PLPPR1: variants seen among roughly 807,000 people sequenced by gnomAD.
PLPPR1 encodes the protein phospholipid phosphatase-related protein type 1.
A neutral mutation model predicts 33.1 loss-of-function variants in PLPPR1; 10 were observed. The observed-to-expected ratio is 0.30, with a 90% confidence interval of 0.19 to 0.51. PLPPR1 has a LOEUF of 0.51. Among genes scored for constraint, PLPPR1 ranks in the 20% least tolerant of loss-of-function variants. PLPPR1 has a pLI of 0.97. For synonymous variants in PLPPR1, 151 were observed against 151.0 expected, an observed-to-expected ratio of 1.00 and a Z score of 0.00; for missense variants, 304 against 408.1, an observed-to-expected ratio of 0.74 and a Z score of 2.20.
intron 1 of PLPPR1, among the ~76,000 whole-genome samples, chr9:101,116,350 A>C (rs538091975): frequency 2.0e-5 from 3 of 152,238 alleles, no homozygotes; most frequent in South Asian, 2.1e-4. Flanking sequence ...GTAATGTAAA[A>C]GTCTGAATCA....
chr9:101,237,875 C>CACAT (rs1554682649), intron 2 of PLPPR1, among the ~76,000 whole-genome samples: 3 of 130,596 alleles, frequency 2.3e-5, no homozygotes, highest in African/African-American at 8.6e-5. Context: ...TATACACACA[C>CACAT]ATATATATAT....
intron 4 of PLPPR1, among the ~76,000 whole-genome samples, chr9:101,288,648 T>TA (rs1430440132): frequency 1.3e-5 from 2 of 152,154 alleles, no homozygotes; most frequent in African/African-American, 4.8e-5. Flanking sequence ...GTTGCTCAAG[T>TA]AAAAAACCTG....
At chr9:101,111,812 C>T (rs1831060933) in intron 1 of PLPPR1, among the ~76,000 whole-genome samples, 1 of 152,138 alleles carries the variant, frequency 6.6e-6, no homozygotes, top group African/African-American at 2.4e-5. Flanking sequence ...CCAATTGAAT[C>T]ATATCGTTTT....
chr9:101,046,164 T>G lies in PLPPR1; in HGVS notation c.-46+17062T>G, dbSNP rs1245105422. On this transcript the variant is annotated intron_variant, in intron 1 of 7. Transcript: ENST00000374874. The stretch of plus-strand genomic sequence containing the variant: ...ACTTTATCCATTGCTGTGTGTGGAC[T>G]TCACCCAGGAGAGTTTCTCCTTGGA... 3.3e-5 allele frequency among the ~76,000 whole-genome samples: 5 copies of G among 152,204 alleles called. No individual in the cohort carries two copies. In the East Asian group the frequency reaches 9.6e-4, roughly 29 times the overall value.
At chr9:101,256,658 T>C (rs1182238325) in intron 2 of PLPPR1, among the ~76,000 whole-genome samples, 1 of 152,162 alleles carries the variant, frequency 6.6e-6, no homozygotes, top group African/African-American at 2.4e-5. Flanking sequence ...TAGCTTGCTA[T>C]GACATATGCA....
chr9:101,229,896 G>T (rs1045657596), intron 2 of PLPPR1, among the ~76,000 whole-genome samples: 4 of 152,126 alleles, frequency 2.6e-5, no homozygotes, highest in African/African-American at 9.7e-5. Flanking sequence ...TGGCAAACGT[G>T]CACTTCCTCT....
At chr9:101,237,877 T>C (rs953785741) in intron 2 of PLPPR1, among the ~76,000 whole-genome samples, 7 of 137,752 alleles carry the variant, frequency 5.1e-5, no homozygotes, top group African/African-American at 1.1e-4. Context: ...TACACACACA[T>C]ATATATATAC....
intron 2 of PLPPR1, among the ~76,000 whole-genome samples, chr9:101,189,635 C>G (rs534591883): frequency 6.6e-6 from 1 of 152,120 alleles, no homozygotes; most frequent in South Asian, 2.1e-4. Flanking sequence ...AATATTAAGT[C>G]ATGTTTGTCA....
chr9:101,059,202 T>C (rs1830313619), intron 1 of PLPPR1, among the ~76,000 whole-genome samples: 1 of 152,142 alleles, frequency 6.6e-6, no homozygotes, highest in East Asian at 1.9e-4. Flanking sequence ...ATTTCTCTTT[T>C]CCACTGCTTT....
intron 1 of PLPPR1, among the ~76,000 whole-genome samples, chr9:101,119,789 G>C (rs1831157617): frequency 6.6e-6 from 1 of 152,178 alleles, no homozygotes; most frequent in Non-Finnish European, 1.5e-5. Context: ...ATCTAGCTTA[G>C]AGAATGCAGT....
At chr9:101,141,275 G>A (rs1386003220) in intron 1 of PLPPR1, among the ~76,000 whole-genome samples, 1 of 152,140 alleles carries the variant, frequency 6.6e-6, no homozygotes, top group Non-Finnish European at 1.5e-5. Flanking sequence ...TTAATCATTA[G>A]CATCATAAAT....
intron 2 of PLPPR1, among the ~76,000 whole-genome samples, chr9:101,259,818 A>T (rs1827864924): frequency 6.6e-6 from 1 of 152,094 alleles, no homozygotes. Context: ...TAAGAGACAA[A>T]TGGTTGCATT....
intron 1 of PLPPR1, among the ~76,000 whole-genome samples, chr9:101,059,781 T>G (rs1830321955): frequency 6.6e-6 from 1 of 151,926 alleles, no homozygotes. Context: ...ACCTCACACC[T>G]GTTAGGATGG....
chr9:101,285,958 CA>C (rs993993148), intron 3 of PLPPR1, 145 bp from the exon 4 acceptor site: 1 of 586,986 alleles, frequency 1.7e-6, no homozygotes, highest in Non-Finnish European at 3.0e-6. Context: ...GTGTTAAATG[CA>C]AATTACGATC....
At chr9:101,053,616 T>C (rs1180429790) in intron 1 of PLPPR1, among the ~76,000 whole-genome samples, 2 of 152,152 alleles carry the variant, frequency 1.3e-5, no homozygotes. Flanking sequence ...CCTTACAAGA[T>C]TGTTTGGAAA....
intron 7 of PLPPR1, among the ~76,000 whole-genome samples, chr9:101,318,060 G>T (rs1829087674): frequency 6.6e-6 from 1 of 152,208 alleles, no homozygotes; most frequent in African/African-American, 2.4e-5. Context: ...AGCAGGCATG[G>T]TGGCTCACAC....
intron 4 of PLPPR1, among the ~76,000 whole-genome samples, chr9:101,290,405 A>G (rs1291565878): frequency 1.3e-5 from 2 of 152,158 alleles, no homozygotes; most frequent in Non-Finnish European, 2.9e-5. Context: ...TCAGCTCCAC[A>G]TTGCAAAAAA....
At chr9:101,320,130 A>G (rs945112005) in intron 7 of PLPPR1, among the ~76,000 whole-genome samples, 54 of 152,398 alleles carry the variant, frequency 3.5e-4, no homozygotes, top group African/African-American at 1.2e-3. Context: ...GATTCTTAAA[A>G]TAGATATTAA....
At chr9:101,253,321 G>T (rs1827743912) in intron 2 of PLPPR1, among the ~76,000 whole-genome samples, 1 of 152,034 alleles carries the variant, frequency 6.6e-6, no homozygotes, top group East Asian at 1.9e-4. Flanking sequence ...GCCGAGGCAG[G>T]CGGATCATTT....
Sources: gnomAD v4.1 joint callset for allele counts (sites outside exome capture counted in the v4.1 genomes callset) on GRCh38, gnomAD v4.1.1 for gene constraint, MANE v1.5 for transcripts, NCBI Gene and HGNC (gene_info 2026-07-23, HGNC 2026-07-21) for gene names.